FNDC1: variants seen among roughly 807,000 people sequenced by gnomAD.
FNDC1 encodes the protein fibronectin type III domain-containing protein 1.
Under a neutral mutation model 168.0 loss-of-function variants are expected in FNDC1, and 96 were observed. That is an observed-to-expected ratio of 0.57 (90% CI 0.48 to 0.68). FNDC1 has a LOEUF of 0.68. Among genes scored for constraint, FNDC1 ranks in the 30% least tolerant of loss-of-function variants. The pLI is 0.00. For synonymous variants in FNDC1, 1,099 were observed against 1,025.9 expected (o/e 1.07, Z -1.36); for missense variants, 2,587 against 2,482.1 (o/e 1.04, Z -0.90).
At chr6:159,219,490 A>C (rs1487121913) in intron 5 of FNDC1, among the ~76,000 whole-genome samples, 1 of 151,806 alleles carries the variant, frequency 6.6e-6, no homozygotes, top group Non-Finnish European at 1.5e-5. Context: ...ATCTGCAGTT[A>C]TTGAGAGCCA....
chr6:159,237,035 A>AAT, intron 12 of FNDC1, among the ~76,000 whole-genome samples: 1 of 152,318 alleles, frequency 6.6e-6, no homozygotes, highest in Middle Eastern at 3.4e-3. Context: ...TATAATGATA[A>AAT]GGTTTAGGGA....
intron 1 of FNDC1, among the ~76,000 whole-genome samples, chr6:159,174,593 CT>C (rs1247100746): frequency 3.9e-5 from 6 of 152,276 alleles, no homozygotes. Context: ...TCCCTTAGTG[CT>C]TGCCTTTTGG....
At chr6:159,252,901 TGA>T (rs1406769376) in intron 17 of FNDC1, among the ~76,000 whole-genome samples, 2 of 152,250 alleles carry the variant, frequency 1.3e-5, no homozygotes, top group Non-Finnish European at 2.9e-5. Flanking sequence ...GGCTGCAGAA[TGA>T]GAGTGTATTG....
Position 159,225,524 on chromosome 6 carries a change from T to TTTTCTTA in FNDC1, c.885-10_885-4dup. 1 of 1,591,494 alleles carries TTTTCTTA rather than the reference T, an allele frequency of 6.3e-7. No homozygotes were observed. Among genetic ancestry groups the TTTTCTTA allele is most frequent in the Non-Finnish European group, 8.6e-7 (1 of 1,163,952 alleles). On this transcript the variant is annotated splice_polypyrimidine_tract_variant and intron_variant, in intron 7 of 22. Transcript: ENST00000297267. The stretch of plus-strand genomic sequence containing the variant: ...AATTTGGACAGATCATTGTGTTGTG[T>TTTTCTTA]TTTCTTACAGACAGTACACCGTGCG...
rs200670095 is a variant in FNDC1, at chr6:159,236,243, G to T, written c.3996G>T (p.Gly1332=). 1.2e-6 allele frequency: 2 copies of T among 1,613,708 alleles called. No individual in the cohort carries two copies. The highest frequency in any genetic ancestry group is 3.3e-5 in the Admixed American group (2 of 60,030). ...ATAATGGCAGACCAAATGTAGAAGG[G>T]AAAGTCCTTCCTGGTAGTAATGGAA... is the stretch of plus-strand genomic sequence containing the variant. ...QGYNGRPNVE[G]KVLPGSNGKP... The change falls in exon 12 of 23, where the codon GGG becomes GGT. Residue 1332 remains glycine, a synonymous_variant. Transcript: ENST00000297267.
intron 4 of FNDC1, among the ~76,000 whole-genome samples, chr6:159,214,100 G>A (rs1782664295): frequency 6.6e-6 from 1 of 152,176 alleles, no homozygotes; most frequent in South Asian, 2.1e-4. Context: ...CAATTAAAGA[G>A]GTGCTCCTTA....
chr6:159,239,230 T>C (rs954961717), intron 13 of FNDC1, among the ~76,000 whole-genome samples: 1 of 152,130 alleles, frequency 6.6e-6, no homozygotes, highest in Non-Finnish European at 1.5e-5. Flanking sequence ...GCTTAACATA[T>C]TCGCTTCCTG....
chr6:159,197,783 G>T (rs549742742), intron 2 of FNDC1, among the ~76,000 whole-genome samples, 158 bp downstream of exon 2: 1 of 152,334 alleles, frequency 6.6e-6, no homozygotes, highest in Admixed American at 6.5e-5. Flanking sequence ...GCTTGTCGGA[G>T]GCTGCTGTTT....
intron 7 of FNDC1, among the ~76,000 whole-genome samples, chr6:159,224,760 A>G (rs1372247404): frequency 1.3e-5 from 2 of 152,234 alleles, no homozygotes; most frequent in African/African-American, 2.4e-5. Flanking sequence ...TAACATATTC[A>G]GTATAACAAA....
chr6:159,193,143 T>C (rs1428106589), intron 1 of FNDC1, among the ~76,000 whole-genome samples: 1 of 152,076 alleles, frequency 6.6e-6, no homozygotes, highest in East Asian at 1.9e-4. Flanking sequence ...TGTCCCTACA[T>C]AGTGTTTTTT....
chr6:159,235,764 A>C (rs985902989), intron 11 of FNDC1, among the ~76,000 whole-genome samples: 4 of 152,222 alleles, frequency 2.6e-5, no homozygotes, highest in African/African-American at 7.2e-5. Context: ...ATACTCGGCG[A>C]TTGGTGATTG....
chr6:159,200,718 A>G, intron 4 of FNDC1, 137 bp downstream of exon 4: 2 of 657,984 alleles, frequency 3.0e-6, no homozygotes, highest in Non-Finnish European at 5.4e-6. Flanking sequence ...CACGCCACAC[A>G]GTCTTGGTCA....
chr6:159,184,958 C>T (rs1201495127), intron 1 of FNDC1, among the ~76,000 whole-genome samples: 1 of 149,488 alleles, frequency 6.7e-6, no homozygotes, highest in Non-Finnish European at 1.5e-5. Context: ...GGCATTTGCT[C>T]TTTAGGGCCT....
Position 159,266,085 on chromosome 6 carries a change from C to A in FNDC1, c.5286C>A (p.Gly1762=), listed in dbSNP as rs531683818. The part of the protein sequence containing the change: ...DNPLLVVRPP[G]GEPIWIPFAF... The stretch of plus-strand genomic sequence containing the variant: ...GCAGGTGTGTTTTGTGTTGTCAAGG[C>A]GGTGAGCCTATCTGGATCCCATTCG... Residue 1762 remains glycine (G), a splice_region_variant and synonymous_variant, in exon 21 of 23, where the codon GGC becomes GGA. Coordinates refer to ENST00000297267, the MANE Select transcript of FNDC1 (RefSeq NM_032532.3). 1.9e-4 allele frequency: 314 copies of A among 1,613,618 alleles called. 6 individuals carry two copies. The South Asian group carries it at 3.2e-3, about 17-fold the overall frequency.
intron 9 of FNDC1, among the ~76,000 whole-genome samples, chr6:159,229,042 T>C (rs1434353659): frequency 6.6e-6 from 1 of 152,204 alleles, no homozygotes; most frequent in Non-Finnish European, 1.5e-5. Flanking sequence ...CATGACAGTT[T>C]TTAGTTGAAG....
rs201310702 is a variant in FNDC1, at chr6:159,222,984, ATTTTTT to A, written c.767-521_767-516del. ...GGGCAGCTTTTAAAGTGAAATACTC[ATTTTTT>A]TTTTTTTTTTTTTTTTTTTTTTGAG... On this transcript the variant is annotated intron_variant, in intron 6 of 22. Transcript: ENST00000297267. Among the ~76,000 whole-genome samples the A allele has an allele frequency of 4.3e-5, 5 of 116,876 alleles. No homozygotes were observed. The East Asian group carries it at 8.1e-4, about 19-fold the overall frequency. The allele number at this position is 116,876 out of a possible 152,430, so 76.7% of individuals were successfully genotyped here.
At chr6:159,243,549 A>G (rs564638945) in intron 14 of FNDC1, among the ~76,000 whole-genome samples, 44 of 152,282 alleles carry the variant, frequency 2.9e-4, no homozygotes, top group African/African-American at 1.0e-3. Context: ...TTTCATGTCT[A>G]CTTGATAAAC....
In FNDC1 at chr6:159,232,902, G is replaced by A. The variant is rs764220554; in HGVS notation, c.2390G>A (p.Gly797Asp). 1 of 1,612,578 alleles carries A rather than the reference G, an allele frequency of 6.2e-7. No individual in the cohort carries two copies. Among genetic ancestry groups the A allele is most frequent in the Admixed American group, 1.7e-5 (1 of 59,976 alleles). The part of the protein sequence containing the change: ...ESHGDGDRED[G>D]GRQAEATAQT... ...CACGGTGACGGCGATAGGGAAGACGGCGGAAGGCAGGCGGAGGCCACGGCC... is the reference window on the plus strand; with the variant it reads ...CACGGTGACGGCGATAGGGAAGACGACGGAAGGCAGGCGGAGGCCACGGCC... Residue 797 changes from glycine to aspartate, a missense_variant, in exon 11 of 23, where the codon GGC (glycine) becomes GAC (aspartate). Transcript: ENST00000297267. The surrounding 1 kb of genome is among the most constrained non-coding windows in gnomAD (Gnocchi z 4.9).
At chr6:159,265,995 C>A (rs1020462626) in intron 20 of FNDC1, 89 bp from the exon 21 acceptor site, 9 of 1,391,682 alleles carry the variant, frequency 6.5e-6, no homozygotes, top group African/African-American at 2.9e-5. Context: ...AAGGAAGGCC[C>A]AGGAAGTCAG....
Sources: allele counts gnomAD v4.1 joint callset (sites outside exome capture counted in the v4.1 genomes callset), GRCh38; gene constraint gnomAD v4.1.1; non-coding constraint Gnocchi (gnomAD v3.1); transcripts MANE v1.5; gene names NCBI Gene and HGNC (gene_info 2026-07-23, HGNC 2026-07-21).